Variants in GPC5 observed in about 807,000 individuals in gnomAD.
GPC5 encodes the protein glypican-5.
Under a neutral mutation model 53.9 loss-of-function variants are expected in GPC5, and 47 were observed. The observed-to-expected ratio is 0.87, with a 90% confidence interval of 0.69 to 1.11. GPC5 has a LOEUF of 1.11. GPC5 is among the 50% of genes most tolerant of loss of function. GPC5 has a pLI of 0.00. For missense variants in GPC5, 748 were observed against 713.1 expected (o/e 1.05, Z -0.56); for synonymous variants, 286 against 263.3 (o/e 1.09, Z -0.84).
At chr13:91,927,567 C>CT (rs34226554) in intron 6 of GPC5, among the ~76,000 whole-genome samples, 3 of 151,326 alleles carry the variant, frequency 2.0e-5, no homozygotes, top group East Asian at 1.9e-4. Context: ...TCTGTAGCAA[C>CT]TTTTTTTTTG....
At chr13:92,293,074 T>C (rs533998923) in intron 7 of GPC5, among the ~76,000 whole-genome samples, 126 of 152,336 alleles carry the variant, frequency 8.3e-4, no homozygotes, top group Non-Finnish European at 1.4e-3. Context: ...TATGGCTTTA[T>C]AGTATAGTTT....
At chr13:92,412,691 T>C (rs138805282) in intron 7 of GPC5, among the ~76,000 whole-genome samples, 1 of 152,304 alleles carries the variant, frequency 6.6e-6, no homozygotes, top group East Asian at 1.9e-4. Context: ...ACAGACCATA[T>C]GGTCCTTAAA....
intron 7 of GPC5, among the ~76,000 whole-genome samples, chr13:92,807,782 A>G (rs958989823): frequency 2.0e-5 from 3 of 152,114 alleles, no homozygotes; most frequent in African/African-American, 4.8e-5. Flanking sequence ...TTTTTAAAAG[A>G]CACAGTGCGA....
chr13:92,314,069 T>G (rs1380239050), intron 7 of GPC5, among the ~76,000 whole-genome samples: 1 of 152,210 alleles, frequency 6.6e-6, no homozygotes, highest in African/African-American at 2.4e-5. Flanking sequence ...TTCACAGATT[T>G]TTTTTGTGAG....
intron 7 of GPC5, among the ~76,000 whole-genome samples, chr13:92,642,320 C>A (rs189059322): frequency 6.6e-6 from 1 of 152,250 alleles, no homozygotes; most frequent in Non-Finnish European, 1.5e-5. Flanking sequence ...ATTTACAGGG[C>A]TTCTACCTTT....
chr13:91,958,492 A>G (rs1012666737), intron 6 of GPC5, among the ~76,000 whole-genome samples: 2 of 152,076 alleles, frequency 1.3e-5, no homozygotes, highest in Non-Finnish European at 2.9e-5. Flanking sequence ...AAATTAGCAA[A>G]GAAACATTGG....
In GPC5 at chr13:91,663,503, G is replaced by C. The variant is rs1444622834; in HGVS notation, c.326-29684G>C. Among the ~76,000 whole-genome samples, 3 of 152,052 alleles carry C rather than the reference G, an allele frequency of 2.0e-5. No homozygotes were observed. The East Asian group carries it at 5.8e-4, about 29-fold the overall frequency. ...GACAGGGTCTCACTCTCTCATTCAG[G>C]CTGGAGTGCAGTGGCATGTTCAAAG... On this transcript the variant is annotated intron_variant, in intron 2 of 7. Transcript: ENST00000377067.
chr13:92,174,235 A>T (rs185082293), intron 7 of GPC5, among the ~76,000 whole-genome samples: 57 of 152,074 alleles, frequency 3.7e-4, no homozygotes, highest in Admixed American at 3.3e-3. Flanking sequence ...AAAGGCCAAA[A>T]TTTGGGCCGG....
intron 7 of GPC5, among the ~76,000 whole-genome samples, chr13:92,194,580 C>T (rs1217526206): frequency 6.6e-6 from 1 of 152,214 alleles, no homozygotes; most frequent in Non-Finnish European, 1.5e-5. Context: ...AAATAGTATC[C>T]TCATTCAGAA....
At chr13:91,704,737 C>T (rs1043635974) in intron 3 of GPC5, among the ~76,000 whole-genome samples, 7 of 152,216 alleles carry the variant, frequency 4.6e-5, no homozygotes, top group African/African-American at 9.6e-5. Context: ...ACATGATCCT[C>T]GGAGTAAGGA....
At chr13:92,828,253 C>A (rs1008836877) in intron 7 of GPC5, among the ~76,000 whole-genome samples, 3 of 152,138 alleles carry the variant, frequency 2.0e-5, no homozygotes, top group Non-Finnish European at 2.9e-5. Context: ...CCCCACCACA[C>A]CCCACACACC....
chr13:92,081,530 C>T (rs977547708), intron 6 of GPC5, among the ~76,000 whole-genome samples: 1 of 151,946 alleles, frequency 6.6e-6, no homozygotes, highest in African/African-American at 2.4e-5. Context: ...TACAAAAATA[C>T]GTGAATTTGA....
intron 1 of GPC5, among the ~76,000 whole-genome samples, chr13:91,419,451 G>T (rs1041413177): frequency 6.6e-6 from 1 of 152,038 alleles, no homozygotes; most frequent in African/African-American, 2.4e-5. Context: ...TTTGGCTCTG[G>T]GTTTGCTATT....
At chr13:91,691,257 G>T (rs2035751988) in intron 2 of GPC5, among the ~76,000 whole-genome samples, 3 of 152,144 alleles carry the variant, frequency 2.0e-5, no homozygotes, top group Admixed American at 1.3e-4. Context: ...TCAAAAACTG[G>T]CCAGGTTAAA....
chr13:92,805,760 T>C (rs1877074974), intron 7 of GPC5, among the ~76,000 whole-genome samples: 1 of 151,906 alleles, frequency 6.6e-6, no homozygotes, highest in Non-Finnish European at 1.5e-5. Flanking sequence ...TTCTGAGCAG[T>C]AGGTCTTAAT....
At chr13:91,608,602 G>A (rs889064804) in intron 2 of GPC5, among the ~76,000 whole-genome samples, 2 of 152,138 alleles carry the variant, frequency 1.3e-5, no homozygotes, top group African/African-American at 2.4e-5. Context: ...TAGGGGCTGG[G>A]CCTAATTTCA....
At chr13:91,542,850 A>ATTTTTTTT (rs3055888) in intron 2 of GPC5, among the ~76,000 whole-genome samples, 1 of 68,210 alleles carries the variant, frequency 1.5e-5, no homozygotes, top group Non-Finnish European at 2.8e-5. Context: ...TGCCCAGCCA[A>ATTTTTTTT]TTTTTTTTTT....
At chr13:92,410,119 G>A (rs1019213683) in intron 7 of GPC5, among the ~76,000 whole-genome samples, 2 of 152,028 alleles carry the variant, frequency 1.3e-5, no homozygotes, top group Non-Finnish European at 2.9e-5. Context: ...TTTACAGAAC[G>A]TTGCAGTATA....
chr13:92,272,638 C>T lies in GPC5; in HGVS notation c.1561+127649C>T, dbSNP rs151093187. Among the ~76,000 whole-genome samples the T allele has an allele frequency of 5.7e-3, 861 of 152,138 alleles. 8 individuals are homozygous for T. Among genetic ancestry groups the T allele is most frequent in the African/African-American group, 0.019 (806 of 41,508 alleles). ...CCCCATTGTGTAATGAAAAGTTCAA[C>T]CCGGGCCTGGGACCTACCTGGCCAT... On this transcript the variant is annotated intron_variant, in intron 7 of 7. Coordinates refer to ENST00000377067, the MANE Select transcript of GPC5 (RefSeq NM_004466.6).
Sources: gnomAD v4.1 joint callset for allele counts (sites outside exome capture counted in the v4.1 genomes callset) on GRCh38, gnomAD v4.1.1 for gene constraint, MANE v1.5 for transcripts, NCBI Gene and HGNC (gene_info 2026-07-23, HGNC 2026-07-21) for gene names.